The following CADM2 variants were observed in gnomAD, a reference collection of about 807,000 sequenced individuals.
CADM2 encodes cell adhesion molecule 2.
In CADM2, 12 loss-of-function variants were observed where a neutral mutation model predicts 49.8. The ratio of observed to expected loss-of-function variants is 0.24; its 90% CI spans 0.15 to 0.39. The LOEUF (loss-of-function observed/expected upper bound fraction) is 0.39, where lower values mean the gene tolerates loss of function less well. Ranked by LOEUF, CADM2 falls within the 10% of genes least tolerant of loss-of-function variation. CADM2 has a pLI of 1.00. For synonymous variants in CADM2, 214 were observed against 175.4 expected, an observed-to-expected ratio of 1.22 and a Z score of -1.74; for missense variants, 378 against 492.3, an observed-to-expected ratio of 0.77 and a Z score of 2.20.
intron 1 of CADM2, among the ~76,000 whole-genome samples, chr3:85,699,247 T>A (rs2066670295): frequency 6.6e-6 from 1 of 152,148 alleles, no homozygotes; most frequent in South Asian, 2.1e-4. Flanking sequence ...CAAGAGCTGA[T>A]GTTGAGTGTC....
At chr3:86,029,870 C>A (rs1734353184) in intron 8 of CADM2, among the ~76,000 whole-genome samples, 1 of 151,876 alleles carries the variant, frequency 6.6e-6, no homozygotes, top group Non-Finnish European at 1.5e-5. Context: ...AAGATGGAAT[C>A]CACAGTCAAG....
chr3:85,219,928 C>A (rs1160182991), intron 1 of CADM2, among the ~76,000 whole-genome samples: 1 of 152,064 alleles, frequency 6.6e-6, no homozygotes, highest in South Asian at 2.1e-4. Flanking sequence ...TTTTAAGCTT[C>A]ATGGAGTTTT....
chr3:85,718,920 T>TATTA (rs1437175113), intron 1 of CADM2, among the ~76,000 whole-genome samples: 1 of 136,152 alleles, frequency 7.3e-6, no homozygotes, highest in Non-Finnish European at 1.6e-5. Context: ...TTATTATTAT[T>TATTA]ATTATTTTGA....
chr3:84,984,356 T>TAAAAAAAAAAAAA lies in CADM2; in HGVS notation c.61+24705_61+24717dup, dbSNP rs375702349. Among the ~76,000 whole-genome samples, 35 of 67,060 alleles carry TAAAAAAAAAAAAA rather than the reference T, an allele frequency of 5.2e-4. 6 individuals carry two copies. The highest frequency in any genetic ancestry group is 2.3e-3 in the African/African-American group (30 of 13,328). 44.0% of individuals were successfully genotyped at this position (67,060 alleles called of 152,430 possible). A position where few individuals can be genotyped will look rare whatever the true frequency, so the allele number is the denominator to read the frequency against. ...CCTCATAGCCACCTCAAGATTAAGC[T>TAAAAAAAAAAAAA]AAAAAAAAAAAAAAAAAAAAAAAAA... is the stretch of plus-strand genomic sequence containing the variant. On this transcript the variant is annotated intron_variant, in intron 1 of 9. Coordinates refer to ENST00000383699, the MANE Select transcript of CADM2 (RefSeq NM_001167675.2).
intron 1 of CADM2, among the ~76,000 whole-genome samples, chr3:85,064,590 G>C (rs115247296): frequency 6.6e-6 from 1 of 151,666 alleles, no homozygotes; most frequent in Non-Finnish European, 1.5e-5. Flanking sequence ...TTGAAATCTT[G>C]CCTCCTTTGG....
At chr3:85,930,566 C>G (rs1289792564) in intron 6 of CADM2, among the ~76,000 whole-genome samples, 1 of 151,908 alleles carries the variant, frequency 6.6e-6, no homozygotes, top group Non-Finnish European at 1.5e-5. Flanking sequence ...TAATTTTTTT[C>G]TCGTACTCCT....
rs182996511 is a variant in CADM2, at chr3:85,916,418, A to G, written c.700+3875A>G. Among the ~76,000 whole-genome samples, 1,192 of 147,380 alleles carry G rather than the reference A, an allele frequency of 8.1e-3. 17 individuals are homozygous for G. The highest frequency in any genetic ancestry group is 0.026 in the African/African-American group (1,055 of 39,886). On this transcript the variant is annotated intron_variant, in intron 6 of 9. Transcript: ENST00000383699. The stretch of plus-strand genomic sequence containing the variant: ...TTGCCACCTATGAGTGAGAACATGC[A>G]GTGTTTGGTTTTTTGTCCTTGAGAT...
intron 1 of CADM2, among the ~76,000 whole-genome samples, chr3:84,995,707 A>G (rs1414562158): frequency 6.6e-6 from 1 of 152,166 alleles, no homozygotes; most frequent in Non-Finnish European, 1.5e-5. Flanking sequence ...TACAAAAGAG[A>G]TTAATATTAT....
intron 1 of CADM2, among the ~76,000 whole-genome samples, chr3:85,527,550 A>G (rs1057196380): frequency 6.6e-6 from 1 of 151,658 alleles, no homozygotes; most frequent in Admixed American, 6.6e-5. Flanking sequence ...ATTTTCCTTA[A>G]GATATTGTTT....
At chr3:85,554,108 G>A (rs1287432449) in intron 1 of CADM2, among the ~76,000 whole-genome samples, 1 of 151,100 alleles carries the variant, frequency 6.6e-6, no homozygotes, top group African/African-American at 2.4e-5. Flanking sequence ...TTCCACAGAA[G>A]TAGTCAGGGT....
At chr3:85,959,088 A>G (rs1409325202) in intron 7 of CADM2, among the ~76,000 whole-genome samples, 4 of 150,376 alleles carry the variant, frequency 2.7e-5, no homozygotes. Context: ...AGCTATATCT[A>G]TATCTTTATA....
intron 1 of CADM2, among the ~76,000 whole-genome samples, chr3:85,696,535 C>T (rs372017376): frequency 9.9e-5 from 15 of 152,008 alleles, no homozygotes; most frequent in South Asian, 2.1e-4. Flanking sequence ...ATCTTTTCCC[C>T]GGTGTATGTT....
At position 85,466,457 on chromosome 3, in the gene CADM2, C is replaced by T. The variant is rs145382373; in HGVS notation, c.62-260065C>T. ...TAAATGATAAGACACACGCTAAAAACGCTTTGCCTTTTTTGCAGTGGAAGA... is the reference window on the plus strand; with the variant it reads ...TAAATGATAAGACACACGCTAAAAATGCTTTGCCTTTTTTGCAGTGGAAGA... On this transcript the variant is annotated intron_variant, in intron 1 of 9. Coordinates refer to ENST00000383699, the MANE Select transcript of CADM2 (RefSeq NM_001167675.2). Among the ~76,000 whole-genome samples, 12 of 152,226 alleles carry T rather than the reference C, an allele frequency of 7.9e-5. No individual in the cohort carries two copies. In the East Asian group the frequency reaches 1.5e-3, roughly 20 times the overall value.
chr3:85,377,240 A>G (rs572115831), intron 1 of CADM2, among the ~76,000 whole-genome samples: 11 of 152,206 alleles, frequency 7.2e-5, no homozygotes, highest in African/African-American at 2.4e-4. Context: ...GTGACAAACA[A>G]AAGTATGATT....
chr3:85,352,055 T>A (rs1446716390), intron 1 of CADM2, among the ~76,000 whole-genome samples: 1 of 152,164 alleles, frequency 6.6e-6, no homozygotes, highest in African/African-American at 2.4e-5. Context: ...TTAAATACTT[T>A]TACACTTAAA....
intron 2 of CADM2, among the ~76,000 whole-genome samples, chr3:85,746,414 A>ATGGAG (rs946299203): frequency 2.6e-5 from 4 of 152,194 alleles, no homozygotes; most frequent in African/African-American, 7.2e-5. Flanking sequence ...AAGGAAAAAT[A>ATGGAG]TGGAGAATTT....
At chr3:85,721,401 A>G (rs544696665) in intron 1 of CADM2, among the ~76,000 whole-genome samples, 27 of 152,230 alleles carry the variant, frequency 1.8e-4, no homozygotes, top group African/African-American at 6.5e-4. Flanking sequence ...TGTTTTCCTC[A>G]GGCCTGCTGG....
chr3:85,715,806 T>G (rs557194646), intron 1 of CADM2, among the ~76,000 whole-genome samples: 2 of 152,314 alleles, frequency 1.3e-5, no homozygotes, highest in Admixed American at 1.3e-4. Flanking sequence ...GTTTCCAGCT[T>G]CATCCATATC....
At position 85,215,357 on chromosome 3, in the gene CADM2, T is replaced by TAA. The variant is rs1559725237; in HGVS notation, c.61+255689_61+255690insAA. 3.9e-3 allele frequency among the ~76,000 whole-genome samples: 448 copies of TAA among 114,340 alleles called. 3 individuals are homozygous for TAA. Among genetic ancestry groups the TAA allele is most frequent in the Middle Eastern group, 0.01 (2 of 192 alleles). The allele number at this position is 114,340 out of a possible 152,430, so 75.0% of individuals were successfully genotyped here. ...TTGCAACACCAAAGTTCTCTCTTTTTTAAAAAAAAAAAAAAAAAAAAAAAA... is the reference window on the plus strand; with the variant it reads ...TTGCAACACCAAAGTTCTCTCTTTTTAATAAAAAAAAAAAAAAAAAAAAAAAA... On this transcript the variant is annotated intron_variant, in intron 1 of 9. Transcript: ENST00000383699.
Sources: allele counts gnomAD v4.1 joint callset (sites outside exome capture counted in the v4.1 genomes callset), GRCh38; gene constraint gnomAD v4.1.1; transcripts MANE v1.5; gene names NCBI Gene and HGNC (gene_info 2026-07-23, HGNC 2026-07-21).